FGGY: variants seen among roughly 807,000 people sequenced by gnomAD.
The protein encoded by FGGY is FGGY carbohydrate kinase domain containing, also known as FGGY carbohydrate kinase domain-containing protein.
FGGY carries 72 observed loss-of-function variants against 71.3 expected under a neutral mutation model. The observed-to-expected ratio is 1.01, with a 90% CI of 0.84 to 1.23. FGGY has a LOEUF of 1.23. Among genes scored for constraint, FGGY ranks in the 50% most tolerant of loss-of-function variants. The probability of loss-of-function intolerance (pLI) is 0.00; values close to 1 mark genes in which losing one functional copy is unlikely to be tolerated. For synonymous variants in FGGY, 251 were observed against 250.3 expected, an observed-to-expected ratio of 1.00 and a Z score of -0.02; for missense variants, 668 against 682.3, an observed-to-expected ratio of 0.98 and a Z score of 0.23.
At chr1:59,417,093 ATC>A (rs1184436009) in intron 5 of FGGY, among the ~76,000 whole-genome samples, 1 of 152,156 alleles carries the variant, frequency 6.6e-6, no homozygotes, top group African/African-American at 2.4e-5. Context: ...CTCAAAAGAA[ATC>A]TCATATCCGT....
At chr1:59,532,097 T>C (rs545971956) in intron 7 of FGGY, among the ~76,000 whole-genome samples, 2 of 152,118 alleles carry the variant, frequency 1.3e-5, no homozygotes, top group Non-Finnish European at 2.9e-5. Context: ...CTCTAACATA[T>C]CTGTGATTAA....
intron 6 of FGGY, among the ~76,000 whole-genome samples, chr1:59,482,566 A>ATG (rs2093516534): frequency 8.7e-6 from 1 of 114,456 alleles, no homozygotes; most frequent in African/African-American, 3.8e-5. Flanking sequence ...CTATGTGTAT[A>ATG]TATATGTGTG....
intron 7 of FGGY, among the ~76,000 whole-genome samples, chr1:59,528,524 A>C (rs917430014): frequency 6.6e-6 from 1 of 152,248 alleles, no homozygotes; most frequent in African/African-American, 2.4e-5. Context: ...AAACCTGAAG[A>C]CATGGGGCAT....
intron 6 of FGGY, among the ~76,000 whole-genome samples, chr1:59,467,732 C>A (rs556611411): frequency 6.6e-6 from 1 of 152,226 alleles, no homozygotes; most frequent in Non-Finnish European, 1.5e-5. Flanking sequence ...TCCTCCATCC[C>A]TATGAGACTG....
At chr1:59,732,218 C>G (rs2098041248) in intron 14 of FGGY, among the ~76,000 whole-genome samples, 1 of 152,162 alleles carries the variant, frequency 6.6e-6, no homozygotes, top group Admixed American at 6.5e-5. Context: ...GAGAATTTTA[C>G]TTCTGTAGCT....
chr1:59,707,077 A>C (rs1261475819), intron 14 of FGGY, among the ~76,000 whole-genome samples: 1 of 152,230 alleles, frequency 6.6e-6, no homozygotes, highest in African/African-American at 2.4e-5. Flanking sequence ...AATTGAGATC[A>C]AAGCCTGGTT....
chr1:59,340,393 AAG>A (rs2050429544), intron 3 of FGGY, among the ~76,000 whole-genome samples: 2 of 152,328 alleles, frequency 1.3e-5, no homozygotes, highest in African/African-American at 4.8e-5. Context: ...GTTTTCTGAG[AAG>A]AGAGTGTCAG....
intron 5 of FGGY, among the ~76,000 whole-genome samples, chr1:59,392,557 A>G (rs1261852174): frequency 3.9e-5 from 6 of 152,150 alleles, no homozygotes; most frequent in African/African-American, 1.4e-4. Flanking sequence ...GTTGACCAGC[A>G]TCTCCTTTTG....
At chr1:59,384,514 A>G (rs2059856912) in intron 5 of FGGY, among the ~76,000 whole-genome samples, 1 of 152,216 alleles carries the variant, frequency 6.6e-6, no homozygotes. Flanking sequence ...GTTATTGTAG[A>G]GAAAGCTTCT....
chr1:59,303,045 C>A (rs904252810), intron 1 of FGGY, among the ~76,000 whole-genome samples: 5 of 152,082 alleles, frequency 3.3e-5, no homozygotes, highest in African/African-American at 1.2e-4. Context: ...TCAAGGTGTG[C>A]AACGCAATTT....
chr1:59,583,618 A>G (rs2096232508), intron 8 of FGGY, among the ~76,000 whole-genome samples: 1 of 142,284 alleles, frequency 7.0e-6, no homozygotes, highest in Non-Finnish European at 1.5e-5. Flanking sequence ...CATGGGGGGC[A>G]CACCTGAGGG....
intron 5 of FGGY, among the ~76,000 whole-genome samples, chr1:59,452,522 C>G (rs1160969336): frequency 2.0e-5 from 3 of 152,184 alleles, no homozygotes; most frequent in Non-Finnish European, 4.4e-5. Context: ...ATTTCTACTT[C>G]TGTGGGACTT....
chr1:59,582,386 T>C (rs1247633633), intron 8 of FGGY, among the ~76,000 whole-genome samples: 1 of 150,152 alleles, frequency 6.7e-6, no homozygotes, highest in Non-Finnish European at 1.5e-5. Flanking sequence ...GCACTGTCCT[T>C]ACAGTAATTA....
chr1:59,722,746 C>T (rs540246988), intron 14 of FGGY, among the ~76,000 whole-genome samples: 1 of 152,238 alleles, frequency 6.6e-6, no homozygotes, highest in Admixed American at 6.5e-5. Context: ...ATATTTCCTG[C>T]TCCAGTTCTG....
chr1:59,655,487 C>T (rs200070648), intron 11 of FGGY, among the ~76,000 whole-genome samples: 1 of 145,522 alleles, frequency 6.9e-6, no homozygotes, highest in South Asian at 2.3e-4. Context: ...TCCATGTGTT[C>T]TCATTGTTCA....
intron 7 of FGGY, among the ~76,000 whole-genome samples, chr1:59,535,532 T>C (rs754661828): frequency 0.013 from 2,050 of 152,048 alleles, 18 homozygotes; most frequent in Non-Finnish European, 0.02. Context: ...AATATACATT[T>C]TTTTCAGCAC....
chr1:59,554,944 G>T (rs187108968), intron 8 of FGGY, among the ~76,000 whole-genome samples: 5 of 152,302 alleles, frequency 3.3e-5, no homozygotes, highest in South Asian at 4.1e-4. Context: ...AGGGCAGAGT[G>T]GGGGAGGAGC....
Position 59,521,451 on chromosome 1 carries a change from G to A in FGGY, c.799+9012G>A, listed in dbSNP as rs535830838. 1.1e-3 allele frequency among the ~76,000 whole-genome samples: 168 copies of A among 152,260 alleles called. 1 individual carries two copies. Among genetic ancestry groups the A allele is most frequent in the African/African-American group, 3.5e-3 (147 of 41,552 alleles). ...GAAAACCGAGAGAATCCAGGGCCTG[G>A]TGCTATTGCCAGCTCCCCATGTGTC... On this transcript the variant is annotated intron_variant, in intron 7 of 15. Transcript: ENST00000303721.
chr1:59,463,390 C>G (rs1482091958), intron 6 of FGGY, among the ~76,000 whole-genome samples: 1 of 152,162 alleles, frequency 6.6e-6, no homozygotes, highest in African/African-American at 2.4e-5. Flanking sequence ...ACAACCAGTA[C>G]CAGCCACTGC....
Sources: allele counts gnomAD v4.1 joint callset (sites outside exome capture counted in the v4.1 genomes callset), GRCh38; gene constraint gnomAD v4.1.1; transcripts MANE v1.5; gene names NCBI Gene and HGNC (gene_info 2026-07-23, HGNC 2026-07-21).